TRPC4: variants seen among roughly 807,000 people sequenced by gnomAD.
TRPC4 encodes short transient receptor potential channel 4.
A neutral mutation model predicts 99.4 loss-of-function variants in TRPC4; 49 were observed. The observed-to-expected ratio is 0.49, with a 90% CI of 0.39 to 0.63. TRPC4 has a LOEUF of 0.63. TRPC4 is among the 20% of genes least tolerant of loss of function. The probability of loss-of-function intolerance (pLI) is 0.00; values close to 1 mark genes in which losing one functional copy is unlikely to be tolerated. For synonymous variants in TRPC4, 454 were observed against 425.9 expected, an observed-to-expected ratio of 1.07 and a Z score of -0.81; for missense variants, 898 against 1,152.9, an observed-to-expected ratio of 0.78 and a Z score of 3.20.
chr13:37,853,125 C>A (rs1959100505), intron 1 of TRPC4, among the ~76,000 whole-genome samples: 1 of 152,026 alleles, frequency 6.6e-6, no homozygotes, highest in Non-Finnish European at 1.5e-5. Context: ...AGCCAGGTGG[C>A]AGTTACAGCA....
At position 37,676,947 on chromosome 13, in the gene TRPC4, TA is replaced by T. The variant is rs1953077437; in HGVS notation, c.1235-2581del. On this transcript the variant is annotated intron_variant, in intron 4 of 10. Transcript: ENST00000379705. ...TGTATATATATATATGTTATACATATAAAATACATATATTTATTTTTATTTA... is the reference window on the plus strand; with the variant it reads ...TGTATATATATATATGTTATACATATAAATACATATATTTATTTTTATTTA... Among the ~76,000 whole-genome samples the T allele has an allele frequency of 4.6e-5, 7 of 151,676 alleles. 1 individual carries two copies. Among genetic ancestry groups the T allele is most frequent in the African/African-American group, 1.7e-4 (7 of 41,444 alleles).
intron 3 of TRPC4, among the ~76,000 whole-genome samples, chr13:37,712,912 C>G (rs1055221280): frequency 6.6e-6 from 1 of 152,112 alleles, no homozygotes; most frequent in African/African-American, 2.4e-5. Context: ...AGGTTTACTT[C>G]CAACATTGAA....
At chr13:37,855,296 G>GATAT (rs139637183) in intron 1 of TRPC4, among the ~76,000 whole-genome samples, 5,055 of 140,362 alleles carry the variant, frequency 0.036, 288 homozygotes, top group African/African-American at 0.12. Context: ...ATACAATGTA[G>GATAT]ATATATATAT....
intron 8 of TRPC4, among the ~76,000 whole-genome samples, chr13:37,642,599 G>C (rs1951749124): frequency 6.6e-6 from 1 of 152,100 alleles, no homozygotes. Context: ...AAGATATTGG[G>C]AAAGCTGGTT....
intron 1 of TRPC4, among the ~76,000 whole-genome samples, chr13:37,827,377 C>T (rs141597377): frequency 0.015 from 2,276 of 152,240 alleles, 30 homozygotes; most frequent in Middle Eastern, 0.044. Context: ...AGTTTTTCTG[C>T]TCTGTTTTTT....
At chr13:37,840,536 A>G (rs897731222) in intron 1 of TRPC4, among the ~76,000 whole-genome samples, 1 of 151,976 alleles carries the variant, frequency 6.6e-6, no homozygotes, top group Non-Finnish European at 1.5e-5. Flanking sequence ...AATGTTGATA[A>G]TTATTTTAGT....
chr13:37,694,482 A>G (rs1953843689), intron 3 of TRPC4, among the ~76,000 whole-genome samples: 1 of 152,206 alleles, frequency 6.6e-6, no homozygotes. Context: ...GAACTTTCTT[A>G]GGAGAATTTA....
intron 2 of TRPC4, among the ~76,000 whole-genome samples, chr13:37,773,348 A>T (rs557211242): frequency 2.0e-5 from 3 of 152,002 alleles, no homozygotes; most frequent in South Asian, 2.1e-4. Flanking sequence ...ATAACAGTTC[A>T]ATATACGTGG....
intron 1 of TRPC4, among the ~76,000 whole-genome samples, chr13:37,808,199 CA>C (rs145553735): frequency 6.7e-6 from 1 of 149,470 alleles, no homozygotes; most frequent in Non-Finnish European, 1.5e-5. Flanking sequence ...TTCACTGAAG[CA>C]AAAAAAAGCC....
intron 3 of TRPC4, among the ~76,000 whole-genome samples, chr13:37,739,295 G>C (rs1955506248): frequency 6.6e-6 from 1 of 152,096 alleles, no homozygotes; most frequent in African/African-American, 2.4e-5. Flanking sequence ...CATGGTAATT[G>C]AATCTCATTC....
intron 4 of TRPC4, among the ~76,000 whole-genome samples, chr13:37,677,107 G>T (rs1195981648): frequency 6.6e-6 from 1 of 151,934 alleles, no homozygotes; most frequent in Non-Finnish European, 1.5e-5. Context: ...CCGTCATAAG[G>T]TTCTTATACT....
intron 5 of TRPC4, among the ~76,000 whole-genome samples, chr13:37,672,415 A>G (rs1268888872): frequency 1.3e-5 from 2 of 152,216 alleles, no homozygotes; most frequent in African/African-American, 2.4e-5. Context: ...GGTCAACTGT[A>G]TCAGTATCAA....
intron 1 of TRPC4, among the ~76,000 whole-genome samples, chr13:37,794,784 C>T (rs1957205827): frequency 6.6e-6 from 1 of 152,086 alleles, no homozygotes; most frequent in Non-Finnish European, 1.5e-5. Context: ...TATTGTTCTG[C>T]TTTGATACAT....
At chr13:37,862,550 T>C (rs1959434069) in intron 1 of TRPC4, among the ~76,000 whole-genome samples, 1 of 151,578 alleles carries the variant, frequency 6.6e-6, no homozygotes, top group Non-Finnish European at 1.5e-5. Flanking sequence ...TTTTGTTTTG[T>C]CTTTTAAATG....
At chr13:37,674,681 C>G (rs936174897) in intron 4 of TRPC4, among the ~76,000 whole-genome samples, 1 of 152,072 alleles carries the variant, frequency 6.6e-6, no homozygotes, top group Non-Finnish European at 1.5e-5. Context: ...TGGAAAATAA[C>G]ATTTTCTTAA....
chr13:37,676,544 T>C (rs1043639952), intron 4 of TRPC4, among the ~76,000 whole-genome samples: 4 of 152,076 alleles, frequency 2.6e-5, no homozygotes, highest in Non-Finnish European at 5.9e-5. Context: ...GGCTAATTTT[T>C]TGTATTTTAG....
intron 7 of TRPC4, among the ~76,000 whole-genome samples, chr13:37,653,677 C>A (rs1179973007): frequency 6.6e-6 from 1 of 151,938 alleles, no homozygotes; most frequent in Non-Finnish European, 1.5e-5. Flanking sequence ...AATGAAGTTA[C>A]CTAGAAAAGC....
chr13:37,739,059 G>T (rs978566791), intron 3 of TRPC4, among the ~76,000 whole-genome samples: 2 of 152,094 alleles, frequency 1.3e-5, no homozygotes, highest in African/African-American at 4.8e-5. Flanking sequence ...TTAGAGGCAA[G>T]GTGTTCAACT....
At chr13:37,679,629 A>T (rs978538000) in intron 4 of TRPC4, among the ~76,000 whole-genome samples, 1 of 152,222 alleles carries the variant, frequency 6.6e-6, no homozygotes, top group Admixed American at 6.5e-5. Context: ...GATTTCAGAT[A>T]AATTAATTAT....
Sources: allele counts gnomAD v4.1 joint callset (sites outside exome capture counted in the v4.1 genomes callset), GRCh38; gene constraint gnomAD v4.1.1; transcripts MANE v1.5; gene names NCBI Gene and HGNC (gene_info 2026-07-23, HGNC 2026-07-21).